The following ZMYM5 variants were observed in gnomAD, a reference collection of about 807,000 sequenced individuals.
The protein encoded by ZMYM5 is zinc finger MYM-type protein 5.
ZMYM5 carries 41 observed loss-of-function variants against 61.8 expected under a neutral mutation model. The observed-to-expected ratio is 0.66, with a 90% CI of 0.52 to 0.86. The LOEUF (loss-of-function observed/expected upper bound fraction) is 0.86. ZMYM5 is among the 40% of genes least tolerant of loss of function. The pLI is 0.00. For synonymous variants in ZMYM5, 257 were observed against 276.4 expected (o/e 0.93, Z 0.70); for missense variants, 706 against 786.7 (o/e 0.90, Z 1.23).
intron 7 of ZMYM5, among the ~76,000 whole-genome samples, chr13:19,826,063 AAAGAG>A (rs1325722433): frequency 6.6e-6 from 1 of 151,600 alleles, no homozygotes; most frequent in Admixed American, 6.6e-5. Context: ...AAAAAAAAAA[AAAGAG>A]AGAACAAAAG....
chr13:19,858,118 G>A (rs1241620650), intron 2 of ZMYM5, among the ~76,000 whole-genome samples: 2 of 151,684 alleles, frequency 1.3e-5, no homozygotes, highest in Admixed American at 6.6e-5. Context: ...AATCACTTGA[G>A]CCCAGGAGTT....
intron 2 of ZMYM5, among the ~76,000 whole-genome samples, chr13:19,857,553 C>G (rs1006655979): frequency 2.0e-5 from 3 of 152,166 alleles, no homozygotes; most frequent in African/African-American, 7.2e-5. Flanking sequence ...ACTACTACCA[C>G]AAATAGCAAG....
At chr13:19,842,739 C>G (rs1952920296) in intron 4 of ZMYM5, among the ~76,000 whole-genome samples, 1 of 150,906 alleles carries the variant, frequency 6.6e-6, no homozygotes, top group Admixed American at 6.6e-5. Flanking sequence ...GCAGGCAGAT[C>G]ACCTGAGGTC....
chr13:19,862,282 G>C (rs1045153360), intron 2 of ZMYM5, 117 bp downstream of exon 2: 1 of 151,934 alleles, frequency 6.6e-6, no homozygotes, highest in South Asian at 2.1e-4. Flanking sequence ...CAAGCAATTA[G>C]CTTGAAGGCC....
At chr13:19,835,119 T>C (rs1000109849) in intron 7 of ZMYM5, among the ~76,000 whole-genome samples, 5 of 152,010 alleles carry the variant, frequency 3.3e-5, no homozygotes, top group African/African-American at 1.2e-4. Flanking sequence ...GCTTCCAAAG[T>C]AGCTGAGACT....
chr13:19,828,059 T>TA (rs1201264084), intron 7 of ZMYM5, among the ~76,000 whole-genome samples: 1 of 146,100 alleles, frequency 6.8e-6, no homozygotes, highest in Non-Finnish European at 1.5e-5. Flanking sequence ...AAAATGTGAA[T>TA]GGCATCCTAT....
At chr13:19,832,993 C>T (rs1336662082) in intron 7 of ZMYM5, among the ~76,000 whole-genome samples, 1 of 151,984 alleles carries the variant, frequency 6.6e-6, no homozygotes, top group Non-Finnish European at 1.5e-5. Flanking sequence ...CTTGGCCTCC[C>T]AAAGTGCTAG....
intron 4 of ZMYM5, among the ~76,000 whole-genome samples, chr13:19,846,792 T>C (rs1481664995): frequency 6.6e-6 from 1 of 151,752 alleles, no homozygotes; most frequent in Non-Finnish European, 1.5e-5. Context: ...CAGGGTGTTA[T>C]GGCATGCACT....
chr13:19,825,520 G>A (rs1381613600), intron 7 of ZMYM5, among the ~76,000 whole-genome samples: 2 of 152,044 alleles, frequency 1.3e-5, no homozygotes, highest in Admixed American at 6.6e-5. Flanking sequence ...AGTGGCATGC[G>A]CCTGTAATCC....
At chr13:19,860,531 G>A (rs990088023) in intron 2 of ZMYM5, among the ~76,000 whole-genome samples, 4 of 149,634 alleles carry the variant, frequency 2.7e-5, no homozygotes, top group Admixed American at 6.8e-5. Context: ...TTGAACTCTC[G>A]ACCTCAGGTG....
chr13:19,857,946 A>T (rs1241074557), intron 2 of ZMYM5, among the ~76,000 whole-genome samples: 1 of 152,092 alleles, frequency 6.6e-6, no homozygotes, highest in Admixed American at 6.6e-5. Context: ...CCAGGGGGTC[A>T]AAGTTGCAGT....
At chr13:19,856,348 A>C (rs1953508828) in intron 2 of ZMYM5, among the ~76,000 whole-genome samples, 1 of 152,070 alleles carries the variant, frequency 6.6e-6, no homozygotes, top group Non-Finnish European at 1.5e-5. Flanking sequence ...AGTGCAAAAA[A>C]CATCAAATTA....
chr13:19,834,553 G>A (rs917289866), intron 7 of ZMYM5, among the ~76,000 whole-genome samples: 2 of 152,014 alleles, frequency 1.3e-5, no homozygotes, highest in African/African-American at 2.4e-5. Flanking sequence ...CTCCCAAAGT[G>A]CAGGGATTAC....
intron 4 of ZMYM5, among the ~76,000 whole-genome samples, chr13:19,842,339 C>T (rs1952907714): frequency 6.6e-6 from 1 of 152,068 alleles, no homozygotes. Flanking sequence ...AAATCCTTGC[C>T]CGTTTTTTCT....
At chr13:19,825,318 C>A in intron 7 of ZMYM5, 83 bp from the exon 8 acceptor site, 2 of 1,113,462 alleles carry the variant, frequency 1.8e-6, no homozygotes, top group Non-Finnish European at 2.3e-6. Context: ...TAAGCACATG[C>A]TCATCATTAG....
intron 2 of ZMYM5, among the ~76,000 whole-genome samples, chr13:19,858,814 T>C (rs1953608140): frequency 6.6e-6 from 1 of 152,130 alleles, no homozygotes; most frequent in South Asian, 2.1e-4. Flanking sequence ...TGATTTCCAC[T>C]GTAGGCTCAG....
Position 19,837,748 on chromosome 13 carries a change from T to A in ZMYM5, c.946A>T (p.Thr316Ser), listed in dbSNP as rs762850685. ...TTTTCACAGGGAGACAAACAAGATG[T>A]ACTATAAAATTCTTGGAAGGATTTG... ...SSKSFQEFYS[T>S]SCLSPCENNW... The change falls in exon 6 of 8, where the codon ACA becomes TCA. Residue 316 changes from threonine to serine, a missense_variant. Physicochemically the swap from Thr to Ser is moderately conservative, Grantham distance 58. Around this residue, in one of 2 missense-constraint regions of ZMYM5, gnomAD observed 480 missense variants for 461.7 expected, o/e 1.04. Transcript: ENST00000337963. The A allele has an allele frequency of 2.5e-6, 4 of 1,586,736 alleles. No homozygotes were observed. In the Admixed American group the frequency reaches 6.0e-5, roughly 24 times the overall value.
At chr13:19,856,833 G>A (rs959757750) in intron 2 of ZMYM5, among the ~76,000 whole-genome samples, 1 of 151,512 alleles carries the variant, frequency 6.6e-6, no homozygotes. Flanking sequence ...AAGGCCGGGC[G>A]CAGTGGCTCA....
chr13:19,825,186 C>T lies in ZMYM5; in HGVS notation c.1301G>A (p.Arg434Lys). ...CTCATTTTCTTCTCTAAAAGCATTC[C>T]TTTTTCTATTTTCTGATGCTGTTAA... ...KKLTASENRK[R>K]NAFREENEKQ... is the part of the protein sequence containing the mutation. Residue 434 changes from arginine to lysine, a missense_variant, in exon 8 of 8, where the codon AGG becomes AAG. Physicochemically the swap from Arg to Lys is conservative, Grantham distance 26. Around this residue, in one of 2 missense-constraint regions of ZMYM5, gnomAD observed 226 missense variants for 325.0 expected, o/e 0.70. Transcript: ENST00000337963. The T allele has an allele frequency of 2.3e-6, 3 of 1,285,524 alleles. No individual in the cohort carries two copies. The highest frequency in any genetic ancestry group is 3.0e-6 in the Non-Finnish European group (3 of 984,420). 79.6% of individuals were successfully genotyped at this position (1,285,524 alleles called of 1,614,324 possible).
Sources: gnomAD v4.1 joint callset for allele counts (sites outside exome capture counted in the v4.1 genomes callset) on GRCh38, gnomAD v4.1.1 for gene constraint, gnomAD v4.1.1 regional missense constraint, MANE v1.5 for transcripts, NCBI Gene and HGNC (gene_info 2026-07-23, HGNC 2026-07-21) for gene names.